NAA25: variants seen among roughly 807,000 people sequenced by gnomAD.
NAA25 encodes the protein N-alpha-acetyltransferase 25, NatB auxiliary subunit, also known as N-terminal acetyltransferase B complex subunit NAA25.
A neutral mutation model predicts 132.5 loss-of-function variants in NAA25; 30 were observed. That is an observed-to-expected ratio of 0.23 (90% CI 0.17 to 0.31). NAA25 has a LOEUF of 0.31. Ranked by LOEUF, NAA25 falls within the 10% of genes least tolerant of loss-of-function variation. The probability of loss-of-function intolerance (pLI) is 1.00; values close to 1 mark genes in which losing one functional copy is unlikely to be tolerated. For missense variants in NAA25, 771 were observed against 1,150.4 expected (o/e 0.67, Z 4.77); for synonymous variants, 359 against 401.9 (o/e 0.89, Z 1.28).
intron 4 of NAA25, among the ~76,000 whole-genome samples, chr12:112,084,694 A>G (rs2079019267): frequency 6.6e-6 from 1 of 151,786 alleles, no homozygotes; most frequent in Non-Finnish European, 1.5e-5. Flanking sequence ...GGAGGCTGAG[A>G]CAGGAGGATC....
At chr12:112,085,622 T>C (rs1490340458) in intron 4 of NAA25, among the ~76,000 whole-genome samples, 2 of 152,122 alleles carry the variant, frequency 1.3e-5, no homozygotes, top group Non-Finnish European at 2.9e-5. Context: ...TCTATCCTTA[T>C]GAATGAATAT....
chr12:112,039,229 CATG>C lies in NAA25; in HGVS notation c.2646_2648del (p.Ile882del), dbSNP rs754908974. Reference sequence around the variant, plus strand: ...ATATCACTTGTGTTACTGTTATTACCATGATGATGCTGGTTTCTTTTTTCTTCT... The same window carrying C: ...ATATCACTTGTGTTACTGTTATTACCATGATGCTGGTTTCTTTTTTCTTCT... On this transcript the variant is annotated inframe_deletion and splice_region_variant, in exon 22 of 24. Coordinates refer to ENST00000261745, the MANE Select transcript of NAA25 (RefSeq NM_024953.4). 132 of 1,549,368 alleles carry C rather than the reference CATG, an allele frequency of 8.5e-5. No individual in the cohort carries two copies. The highest frequency in any genetic ancestry group is 1.7e-4 in the Middle Eastern group (1 of 5,890).
intron 18 of NAA25, 28 bp downstream of exon 18, chr12:112,043,597 T>C: frequency 6.2e-7 from 1 of 1,608,156 alleles, no homozygotes; most frequent in Non-Finnish European, 8.5e-7. Flanking sequence ...TTATTGCAAC[T>C]TTGATGGTAA....
intron 17 of NAA25, among the ~76,000 whole-genome samples, chr12:112,047,202 T>C (rs1566002811): frequency 6.6e-6 from 1 of 152,012 alleles, no homozygotes; most frequent in Non-Finnish European, 1.5e-5. Context: ...GAAGTTTGTT[T>C]TTTTTAATTT....
chr12:112,087,009 CAAAAA>C (rs57089089), intron 4 of NAA25, among the ~76,000 whole-genome samples: 1 of 70,550 alleles, frequency 1.4e-5, no homozygotes, highest in Non-Finnish European at 3.3e-5. Context: ...ACTCCATCTC[CAAAAA>C]AAAAAAAAAA....
intron 13 of NAA25, among the ~76,000 whole-genome samples, chr12:112,059,075 CAAAAAAAAAAAA>C (rs530305102): frequency 2.5e-4 from 16 of 63,274 alleles, no homozygotes; most frequent in African/African-American, 5.3e-4. Flanking sequence ...CTCCATCTCA[CAAAAAAAAAAAA>C]AAAAAAAAAA....
chr12:112,038,069 AGTGG>A (rs1351929557), intron 22 of NAA25, among the ~76,000 whole-genome samples: 1 of 152,112 alleles, frequency 6.6e-6, no homozygotes, highest in Non-Finnish European at 1.5e-5. Flanking sequence ...ACTGGAGTGC[AGTGG>A]TGCTATCTTG....
chr12:112,082,647 A>G (rs982830906), intron 4 of NAA25, among the ~76,000 whole-genome samples: 1 of 152,128 alleles, frequency 6.6e-6, no homozygotes, highest in Non-Finnish European at 1.5e-5. Context: ...GGTATTTCCA[A>G]GGAAGGCAAA....
intron 4 of NAA25, among the ~76,000 whole-genome samples, chr12:112,086,886 A>G (rs1180863130): frequency 8.6e-6 from 1 of 115,654 alleles, no homozygotes; most frequent in African/African-American, 3.5e-5. Flanking sequence ...TGGCGCAAGC[A>G]TGTAATCCCA....
intron 1 of NAA25, among the ~76,000 whole-genome samples, chr12:112,096,574 G>C (rs538144905): frequency 6.6e-6 from 1 of 152,168 alleles, no homozygotes; most frequent in African/African-American, 2.4e-5. Context: ...ACAATTTAGA[G>C]AGGAAGGCCA....
Position 112,060,296 on chromosome 12 carries a change from G to A in NAA25, c.1421C>T (p.Ala474Val), listed in dbSNP as rs150580297. The A allele has an allele frequency of 3.4e-5, 55 of 1,612,960 alleles. No individual in the cohort carries two copies. Among genetic ancestry groups the A allele is most frequent in the South Asian group, 6.6e-5 (6 of 90,998 alleles). The change falls in exon 13 of 24, where the codon GCG (alanine) becomes GTG (valine). Residue 474 changes from alanine to valine, a missense_variant. By Grantham distance (64) the Ala-to-Val change is moderately conservative. Around this residue, in one of 3 missense-constraint regions of NAA25, gnomAD observed 417 missense variants for 733.8 expected, o/e 0.57. Transcript: ENST00000261745. ...TGTTTCCCTCCATACATCAATAAGC[G>A]CATGGACAGCAAGGAGACAGTAATA... ...SDYYCLLAVH[A>V]LIDVWRETGD...
rs1384518688 is a variant in NAA25, at chr12:112,094,499, T to C, written c.59-1363A>G. 3.9e-5 allele frequency among the ~76,000 whole-genome samples: 6 copies of C among 152,180 alleles called. 1 individual carries two copies. The highest frequency in any genetic ancestry group is 8.8e-5 in the Non-Finnish European group (6 of 68,036). ...GGCCTCAAATCTACCAAGTGGACTA[T>C]GTTCCTTCAATGAAATATATTTAAT... On this transcript the variant is annotated intron_variant, in intron 1 of 23. Coordinates refer to ENST00000261745, the MANE Select transcript of NAA25 (RefSeq NM_024953.4).
chr12:112,094,047 G>A (rs1008719542), intron 1 of NAA25, among the ~76,000 whole-genome samples: 1 of 151,872 alleles, frequency 6.6e-6, no homozygotes, highest in African/African-American at 2.4e-5. Context: ...AGACCATCCT[G>A]GCTAACATGG....
At chr12:112,106,109 G>A (rs955223851) in intron 1 of NAA25, among the ~76,000 whole-genome samples, 1 of 152,162 alleles carries the variant, frequency 6.6e-6, no homozygotes, top group African/African-American at 2.4e-5. Flanking sequence ...TCCTAGTCCT[G>A]CCAGTTTATA....
intron 23 of NAA25, among the ~76,000 whole-genome samples, chr12:112,031,496 C>T (rs1055514338): frequency 1.3e-5 from 2 of 152,070 alleles, no homozygotes; most frequent in Admixed American, 6.6e-5. Context: ...GAGATTGAAG[C>T]CTAGAGAGGT....
At chr12:112,106,379 G>T (rs1038354646) in intron 1 of NAA25, among the ~76,000 whole-genome samples, 11 of 150,388 alleles carry the variant, frequency 7.3e-5, no homozygotes, top group African/African-American at 2.7e-4. Context: ...AAAGTATTGA[G>T]TGTTTTTAGT....
rs776148418 is a variant in NAA25, at chr12:112,033,323, G to A, written c.2706C>T (p.Ser902=). The stretch of plus-strand genomic sequence containing the variant: ...GCCCTTTAATATGATCCACAACATT[G>A]GAAATTAAAGTCTGAAGCCCAGTAA... The part of the protein sequence containing the change: ...DYVTGLQTLI[S]NVVDHIKGLE... Residue 902 remains serine, a synonymous_variant, in exon 23 of 24, where the codon TCC becomes TCT. Transcript: ENST00000261745. 1.2e-6 allele frequency: 2 copies of A among 1,613,022 alleles called. No individual in the cohort carries two copies. The highest frequency in any genetic ancestry group is 1.7e-5 in the Admixed American group (1 of 59,774).
intron 11 of NAA25, among the ~76,000 whole-genome samples, chr12:112,064,432 T>C (rs1048599366): frequency 1.1e-4 from 16 of 152,162 alleles, no homozygotes; most frequent in Non-Finnish European, 2.9e-5. Flanking sequence ...GGTTTTGCCA[T>C]GTTGGCCAGG....
intron 11 of NAA25, among the ~76,000 whole-genome samples, chr12:112,067,514 G>A (rs2078737892): frequency 6.6e-6 from 1 of 151,938 alleles, no homozygotes. Flanking sequence ...TTCGAGACCA[G>A]CCTGGCAAAC....
Sources: gnomAD v4.1 joint callset for allele counts (sites outside exome capture counted in the v4.1 genomes callset) on GRCh38, gnomAD v4.1.1 for gene constraint, gnomAD v4.1.1 regional missense constraint, MANE v1.5 for transcripts, NCBI Gene and HGNC (gene_info 2026-07-23, HGNC 2026-07-21) for gene names.